Variants in SUGCT observed in about 807,000 individuals in gnomAD.
SUGCT encodes the protein succinyl-CoA:glutarate-CoA transferase.
A neutral mutation model predicts 55.0 loss-of-function variants in SUGCT; 41 were observed. That is an observed-to-expected ratio of 0.74 (90% CI 0.58 to 0.97). SUGCT has a LOEUF of 0.97. Ranked by LOEUF, SUGCT falls within the 50% of genes least tolerant of loss-of-function variation. The pLI is 0.00. For missense variants in SUGCT, 568 were observed against 547.8 expected (o/e 1.04, Z -0.37); for synonymous variants, 187 against 200.4 (o/e 0.93, Z 0.56).
intron 13 of SUGCT, among the ~76,000 whole-genome samples, chr7:40,837,610 G>GT (rs1197212711): frequency 2.0e-5 from 3 of 152,066 alleles, no homozygotes; most frequent in Admixed American, 6.5e-5. Context: ...TTGAGACAGA[G>GT]TTTTGCTCTT....
At chr7:40,248,334 G>C (rs1256038846) in intron 7 of SUGCT, among the ~76,000 whole-genome samples, 3 of 151,970 alleles carry the variant, frequency 2.0e-5, no homozygotes, top group Non-Finnish European at 4.4e-5. Context: ...CTTACTTTTA[G>C]GGTTACCTAA....
At chr7:40,970,799 A>T in the SUGCT span, among the ~76,000 whole-genome samples, 1 of 152,144 alleles carries the variant, frequency 6.6e-6, no homozygotes, top group African/African-American at 2.4e-5. Flanking sequence ...GAGGAGATGC[A>T]AGAAATCAAA....
intron 11 of SUGCT, among the ~76,000 whole-genome samples, chr7:40,478,321 A>G (rs1453505418): frequency 6.6e-6 from 1 of 152,074 alleles, no homozygotes; most frequent in African/African-American, 2.4e-5. Flanking sequence ...ATTTCTATCT[A>G]GTACTTACTA....
At chr7:40,461,247 T>C (rs928029007) in intron 11 of SUGCT, among the ~76,000 whole-genome samples, 1 of 152,170 alleles carries the variant, frequency 6.6e-6, no homozygotes, top group African/African-American at 2.4e-5. Flanking sequence ...CTTTGAGAAG[T>C]CTCTTAAAAT....
At chr7:40,296,797 C>G (rs1794179952) in intron 8 of SUGCT, among the ~76,000 whole-genome samples, 1 of 151,808 alleles carries the variant, frequency 6.6e-6, no homozygotes, top group South Asian at 2.1e-4. Flanking sequence ...TGATTTCGAG[C>G]TTATTGTTGA....
the SUGCT span, among the ~76,000 whole-genome samples, chr7:41,005,412 T>G: frequency 6.6e-6 from 1 of 152,096 alleles, no homozygotes. Context: ...ATATAAAGTC[T>G]TCTCCATCAG....
At chr7:40,676,531 C>G (rs1783993780) in intron 12 of SUGCT, among the ~76,000 whole-genome samples, 1 of 147,074 alleles carries the variant, frequency 6.8e-6, no homozygotes, top group South Asian at 2.1e-4. Context: ...GAGATGGAGC[C>G]TCACTCTGTT....
chr7:40,906,934 T>A, the SUGCT span, among the ~76,000 whole-genome samples: 1 of 152,172 alleles, frequency 6.6e-6, no homozygotes, highest in African/African-American at 2.4e-5. Context: ...GAGGGAGCAT[T>A]CCTTCAAGCA....
intron 6 of SUGCT, among the ~76,000 whole-genome samples, chr7:40,224,895 G>A (rs543338669): frequency 1.4e-4 from 21 of 152,184 alleles, no homozygotes; most frequent in African/African-American, 4.6e-4. Context: ...CTGTGGGGCC[G>A]CAATCATTCT....
At chr7:40,641,703 T>C (rs1800276643) in intron 12 of SUGCT, among the ~76,000 whole-genome samples, 1 of 152,214 alleles carries the variant, frequency 6.6e-6, no homozygotes, top group African/African-American at 2.4e-5. Flanking sequence ...TTCAAAAATG[T>C]TCCATGTGTA....
chr7:40,605,229 A>G (rs569599370), intron 12 of SUGCT, among the ~76,000 whole-genome samples: 9 of 152,324 alleles, frequency 5.9e-5, no homozygotes, highest in African/African-American at 2.2e-4. Context: ...TTTTACTCCA[A>G]TCAACTTCAG....
intron 9 of SUGCT, among the ~76,000 whole-genome samples, chr7:40,320,263 G>A (rs1795657384): frequency 6.7e-6 from 1 of 149,040 alleles, no homozygotes. Context: ...TAACAAAAAC[G>A]CCTGGCTGGT....
chr7:40,311,584 T>C (rs1389169539), intron 8 of SUGCT, among the ~76,000 whole-genome samples: 5 of 152,184 alleles, frequency 3.3e-5, no homozygotes, highest in Admixed American at 6.6e-5. Flanking sequence ...TTCAGTTTTG[T>C]TCTTTCTCTA....
intron 12 of SUGCT, among the ~76,000 whole-genome samples, chr7:40,513,944 C>A (rs1715414088): frequency 6.6e-6 from 1 of 151,836 alleles, no homozygotes; most frequent in Non-Finnish European, 1.5e-5. Context: ...CACCTGCCAC[C>A]ATGCCCGGCT....
At chr7:40,601,683 G>T (rs1285328980) in intron 12 of SUGCT, among the ~76,000 whole-genome samples, 1 of 151,908 alleles carries the variant, frequency 6.6e-6, no homozygotes, top group African/African-American at 2.4e-5. Context: ...TCGCAGCCTA[G>T]ATGGCTCTGA....
At chr7:40,143,057 C>T (rs1174778078) in intron 1 of SUGCT, among the ~76,000 whole-genome samples, 2 of 152,206 alleles carry the variant, frequency 1.3e-5, no homozygotes, top group Admixed American at 6.5e-5. Context: ...ATGTGAGAGT[C>T]GAAAGACCCA....
intron 9 of SUGCT, among the ~76,000 whole-genome samples, chr7:40,388,582 A>G (rs1453944300): frequency 6.6e-6 from 1 of 151,838 alleles, no homozygotes; most frequent in Non-Finnish European, 1.5e-5. Context: ...TGCATGGCTC[A>G]TTTTTGCATT....
At chr7:40,959,567 C>G in the SUGCT span, among the ~76,000 whole-genome samples, 1 of 152,184 alleles carries the variant, frequency 6.6e-6, no homozygotes, top group Non-Finnish European at 1.5e-5. Context: ...GTGCTGGCAG[C>G]AAGAATTTCA....
chr7:40,950,135 G>A, the SUGCT span, among the ~76,000 whole-genome samples: 19 of 152,128 alleles, frequency 1.2e-4, no homozygotes, highest in African/African-American at 4.6e-4. Flanking sequence ...ATTTCATTGA[G>A]CAGTGGTTTA....
Sources: gnomAD v4.1 joint callset for allele counts (sites outside exome capture counted in the v4.1 genomes callset) on GRCh38, gnomAD v4.1.1 for gene constraint, MANE v1.5 for transcripts, NCBI Gene and HGNC (gene_info 2026-07-23, HGNC 2026-07-21) for gene names.